The following GATAD2B variants were observed in gnomAD, a reference collection of about 807,000 sequenced individuals.
GATAD2B encodes GATA zinc finger domain containing 2B.
A neutral mutation model predicts 64.3 loss-of-function variants in GATAD2B; 8 were observed. The observed-to-expected ratio is 0.12, with a 90% CI of 0.07 to 0.22. The LOEUF is 0.22. Among genes scored for constraint, GATAD2B ranks in the 10% least tolerant of loss-of-function variants. The pLI is 1.00. For missense variants in GATAD2B, 453 were observed against 752.0 expected (o/e 0.60, Z 4.65); for synonymous variants, 281 against 271.3 (o/e 1.04, Z -0.35).
chr1:153,853,174 T>G lies in GATAD2B; in HGVS notation c.-1-24826A>C. 3.1e-6 allele frequency: 4 copies of G among 1,288,830 alleles called. No homozygotes were observed. The Admixed American group carries it at 6.8e-5, about 22-fold the overall frequency. 79.8% of individuals were successfully genotyped at this position (1,288,830 alleles called of 1,614,324 possible). ...TCTAGCCCCTTACAGACACGGATAT[T>G]GGCAACTGCAATTTGCAGCTCTAGC... On this transcript the variant is annotated intron_variant, in intron 1 of 10. Transcript: ENST00000368655.
chr1:153,842,263 T>C (rs1675523524), intron 1 of GATAD2B, among the ~76,000 whole-genome samples: 1 of 152,196 alleles, frequency 6.6e-6, no homozygotes, highest in Non-Finnish European at 1.5e-5. Context: ...CATCTGTAAT[T>C]CTCTTCTGTG....
chr1:153,892,800 T>G (rs1242533494), intron 1 of GATAD2B, among the ~76,000 whole-genome samples: 1 of 150,664 alleles, frequency 6.6e-6, no homozygotes, highest in Admixed American at 6.7e-5. Context: ...GTTCGGGCAA[T>G]TATCCTACCT....
At position 153,828,342 on chromosome 1, in the gene GATAD2B, A is replaced by G. The variant is rs1332320210; in HGVS notation, c.6T>C (p.Asp2=). The G allele has an allele frequency of 6.2e-7, 1 of 1,604,854 alleles. No homozygotes were observed. The highest frequency in any genetic ancestry group is 1.7e-5 in the Admixed American group (1 of 59,934). ...AGCGAAGAGCATCTTCTGTCATTCT[A>G]TCCATCCTATGGAAAGAAAAATACA... M[D]RMTEDALRLN... The change falls in exon 2 of 11, where the codon GAT becomes GAC. Residue 2 remains aspartate (D), a synonymous_variant. Transcript: ENST00000368655.
At chr1:153,908,345 T>C (rs989759724) in intron 1 of GATAD2B, among the ~76,000 whole-genome samples, 1 of 152,088 alleles carries the variant, frequency 6.6e-6, no homozygotes, top group Non-Finnish European at 1.5e-5. Context: ...TTTTAAAAAA[T>C]GAAAAGTAAA....
chr1:153,864,220 A>G lies in GATAD2B; in HGVS notation c.-1-35872T>C, dbSNP rs1018115468. ...GGACAGTTGGGAGAAAGTGCACTCC[A>G]AAAGGAAGACAAGTAACAAGGTATG... On this transcript the variant is annotated intron_variant, in intron 1 of 10. Coordinates refer to ENST00000368655, the MANE Select transcript of GATAD2B (RefSeq NM_020699.4). Among the ~76,000 whole-genome samples, 11 of 152,210 alleles carry G rather than the reference A, an allele frequency of 7.2e-5. No individual in the cohort carries two copies. The South Asian group carries it at 2.1e-3, about 29-fold the overall frequency.
intron 1 of GATAD2B, among the ~76,000 whole-genome samples, chr1:153,861,259 A>G (rs953300422): frequency 6.6e-6 from 1 of 152,192 alleles, no homozygotes; most frequent in South Asian, 2.1e-4. Flanking sequence ...CTTGTCAGAA[A>G]AGTAAAAATA....
chr1:153,819,929 T>C (rs1674619796), intron 2 of GATAD2B, among the ~76,000 whole-genome samples, 194 bp from the exon 3 acceptor site: 1 of 151,668 alleles, frequency 6.6e-6, no homozygotes, highest in African/African-American at 2.4e-5. Context: ...TGAAACCCCG[T>C]CTCTACTAAA....
intron 1 of GATAD2B, among the ~76,000 whole-genome samples, chr1:153,892,515 G>C (rs938076335): frequency 2.2e-4 from 34 of 152,086 alleles, no homozygotes; most frequent in African/African-American, 8.0e-4. Context: ...TGAATACATA[G>C]CTGCTCATAA....
intron 1 of GATAD2B, among the ~76,000 whole-genome samples, chr1:153,854,204 C>T (rs1676004923): frequency 6.6e-6 from 1 of 152,050 alleles, no homozygotes; most frequent in South Asian, 2.1e-4. Context: ...AGATCGAGAC[C>T]GTCCTGGCTA....
chr1:153,813,497 CCT>C (rs769055346), intron 7 of GATAD2B, 45 bp from the exon 8 acceptor site: 13 of 1,286,100 alleles, frequency 1.0e-5, no homozygotes, highest in African/African-American at 8.7e-5. Context: ...TTTCCTATCT[CCT>C]CTGTTTCTCT....
intron 1 of GATAD2B, among the ~76,000 whole-genome samples, chr1:153,836,244 C>A (rs1675259133): frequency 6.8e-6 from 1 of 146,598 alleles, no homozygotes; most frequent in Non-Finnish European, 1.5e-5. Context: ...CTGGGAGACT[C>A]ATCTCTAAAA....
At chr1:153,892,203 A>AGG (rs1677434361) in intron 1 of GATAD2B, among the ~76,000 whole-genome samples, 1 of 151,196 alleles carries the variant, frequency 6.6e-6, no homozygotes, top group East Asian at 1.9e-4. Context: ...CAAGACAATT[A>AGG]GGGACAGAAT....
intron 1 of GATAD2B, among the ~76,000 whole-genome samples, chr1:153,879,326 C>T (rs546815449): frequency 3.9e-5 from 6 of 152,214 alleles, no homozygotes; most frequent in East Asian, 1.9e-4. Context: ...CCACCCACCT[C>T]GGCCTCCCAA....
At chr1:153,881,474 T>A (rs1677008217) in intron 1 of GATAD2B, among the ~76,000 whole-genome samples, 2 of 152,218 alleles carry the variant, frequency 1.3e-5, no homozygotes, top group African/African-American at 2.4e-5. Context: ...GAGCTTTGTA[T>A]GAGAAACAAT....
intron 1 of GATAD2B, among the ~76,000 whole-genome samples, chr1:153,866,579 T>G (rs1018727279): frequency 1.3e-5 from 2 of 152,150 alleles, no homozygotes; most frequent in African/African-American, 4.8e-5. Flanking sequence ...CTTCCTATTA[T>G]CAATCAATCC....
intron 1 of GATAD2B, among the ~76,000 whole-genome samples, chr1:153,909,793 A>AG (rs996631602): frequency 1.3e-5 from 2 of 150,876 alleles, no homozygotes; most frequent in Non-Finnish European, 3.0e-5. Context: ...CAAAAAAAAA[A>AG]AAAAATTAGC....
chr1:153,899,187 G>A (rs541214869), intron 1 of GATAD2B, among the ~76,000 whole-genome samples: 3 of 152,272 alleles, frequency 2.0e-5, no homozygotes, highest in East Asian at 3.9e-4. Context: ...CCAGAAGTTC[G>A]AAGCTGCAGT....
intron 1 of GATAD2B, among the ~76,000 whole-genome samples, chr1:153,890,169 T>C (rs1677327862): frequency 7.4e-6 from 1 of 134,742 alleles, no homozygotes; most frequent in Non-Finnish European, 1.6e-5. Flanking sequence ...CGAAACTCTG[T>C]TTCAAAAAAA....
chr1:153,877,524 T>C (rs953569487), intron 1 of GATAD2B, among the ~76,000 whole-genome samples: 2 of 152,092 alleles, frequency 1.3e-5, no homozygotes, highest in Non-Finnish European at 2.9e-5. Context: ...TGATTATGAC[T>C]ACATAATCAC....
Sources: gnomAD v4.1 joint callset for allele counts (sites outside exome capture counted in the v4.1 genomes callset) on GRCh38, gnomAD v4.1.1 for gene constraint, MANE v1.5 for transcripts, NCBI Gene and HGNC (gene_info 2026-07-23, HGNC 2026-07-21) for gene names.